Variants in P2RY8 observed in about 807,000 individuals in gnomAD.
The protein encoded by P2RY8 is S-geranylgeranyl-glutathione receptor P2RY8.
A neutral mutation model predicts 10.0 loss-of-function variants in P2RY8; 6 were observed. The ratio of observed to expected loss-of-function variants is 0.60; its 90% confidence interval spans 0.33 to 1.19. The LOEUF is 1.19. Among genes scored for constraint, P2RY8 ranks in the 50% most tolerant of loss-of-function variants. P2RY8 has a pLI of 0.04. For missense variants in P2RY8, 456 were observed against 542.0 expected (o/e 0.84, Z 1.58); for synonymous variants, 276 against 252.5 (o/e 1.09, Z -0.88).
At chrX:1,530,974 T>C (rs1299651387) in intron 1 of P2RY8, among the ~76,000 whole-genome samples, 2 of 152,072 alleles carry the variant, frequency 1.3e-5, no homozygotes, top group African/African-American at 2.4e-5. Context: ...CATGTATGTA[T>C]GTATGTATGT....
chrX:1,477,655 G>A (rs747368026), intron 1 of P2RY8, among the ~76,000 whole-genome samples: 1 of 152,052 alleles, frequency 6.6e-6, no homozygotes, highest in African/African-American at 2.4e-5. Flanking sequence ...GCATCTGGTG[G>A]GTAGATCCCA....
Position 1,466,565 on chromosome X carries a change from G to C in P2RY8, c.-7C>G. The C allele has an allele frequency of 6.2e-7, 1 of 1,601,468 alleles. No individual in the cohort carries two copies. The highest frequency in any genetic ancestry group is 8.5e-7 in the Non-Finnish European group (1 of 1,176,852). ...TGCTGTTCGGGACCTGCATCCTGGAGGGGTCCTCGCCCGGGCTCTGCAAGG... is the reference window on the plus strand; with the variant it reads ...TGCTGTTCGGGACCTGCATCCTGGACGGGTCCTCGCCCGGGCTCTGCAAGG... On this transcript the variant is annotated 5_prime_UTR_variant, in exon 2 of 2. Transcript: ENST00000381297.
At chrX:1,506,181 C>T (rs1470243359) in intron 1 of P2RY8, among the ~76,000 whole-genome samples, 2 of 151,710 alleles carry the variant, frequency 1.3e-5, no homozygotes, top group Non-Finnish European at 2.9e-5. Flanking sequence ...TTAGTAGAGA[C>T]GGGGTTTTGC....
At chrX:1,510,741 C>T (rs1454128455) in intron 1 of P2RY8, among the ~76,000 whole-genome samples, 3 of 152,018 alleles carry the variant, frequency 2.0e-5, no homozygotes, top group South Asian at 2.1e-4. Context: ...AAGCCAGGCA[C>T]GGTGGCGTGC....
chrX:1,494,685 A>T (rs2092099831), intron 1 of P2RY8, among the ~76,000 whole-genome samples: 1 of 152,096 alleles, frequency 6.6e-6, no homozygotes, highest in Non-Finnish European at 1.5e-5. Context: ...ACTAATTTTT[A>T]AAAATATGTA....
intron 1 of P2RY8, among the ~76,000 whole-genome samples, chrX:1,493,379 A>G (rs1262626642): frequency 2.6e-5 from 1 of 38,228 alleles, no homozygotes; most frequent in Non-Finnish European, 5.1e-5. Context: ...GGGAGGAAGG[A>G]GGAAGGAGGG....
In P2RY8 at chrX:1,462,848, T is replaced by A. The variant is rs2091602978; in HGVS notation, c.*2631A>T. 1 of 232,944 alleles carries A rather than the reference T, an allele frequency of 4.3e-6. No individual in the cohort carries two copies. Among genetic ancestry groups the A allele is most frequent in the South Asian group, 1.8e-4 (1 of 5,526 alleles). The allele number at this position is 232,944 out of a possible 1,614,324, so 14.4% of individuals were successfully genotyped here. A position where few individuals can be genotyped will look rare whatever the true frequency, so the allele number is the denominator to read the frequency against. On this transcript the variant is annotated 3_prime_UTR_variant, in exon 2 of 2. Transcript: ENST00000381297. Reference sequence around the variant, plus strand: ...AAACATGTGTGTGAGTCAATAGACCTGTGTTATCTTTTCACTCAAAGCTCA... The same window carrying A: ...AAACATGTGTGTGAGTCAATAGACCAGTGTTATCTTTTCACTCAAAGCTCA...
At chrX:1,536,141 C>A (rs2092524535) in intron 1 of P2RY8, among the ~76,000 whole-genome samples, 2 of 152,138 alleles carry the variant, frequency 1.3e-5, no homozygotes, top group African/African-American at 4.8e-5. Context: ...TCGCCAAGGT[C>A]TCATTGCAAA....
chrX:1,528,983 T>C (rs2092457023), intron 1 of P2RY8, among the ~76,000 whole-genome samples: 1 of 152,238 alleles, frequency 6.6e-6, no homozygotes, highest in Non-Finnish European at 1.5e-5. Flanking sequence ...CTTTGTTGCA[T>C]GGGACAGTAT....
chrX:1,499,172 T>G (rs2092150609), intron 1 of P2RY8, among the ~76,000 whole-genome samples: 1 of 148,654 alleles, frequency 6.7e-6, no homozygotes, highest in African/African-American at 2.5e-5. Context: ...TCTTTTTTTT[T>G]TTTTTTTTTG....
chrX:1,535,030 C>A, intron 1 of P2RY8, among the ~76,000 whole-genome samples: 1 of 151,988 alleles, frequency 6.6e-6, no homozygotes, highest in East Asian at 1.9e-4. Flanking sequence ...ACGTCCCATG[C>A]ACGCCTCTCT....
At position 1,464,386 on chromosome X, in the gene P2RY8, C is replaced by T. The variant is rs1307448960; in HGVS notation, c.*1093G>A. The T allele has an allele frequency of 8.6e-6, 2 of 233,590 alleles. No individual in the cohort carries two copies. Among genetic ancestry groups the T allele is most frequent in the Non-Finnish European group, 8.4e-6 (1 of 118,418 alleles). 14.5% of individuals were successfully genotyped at this position (233,590 alleles called of 1,614,324 possible). Reference sequence around the variant, plus strand: ...GGGAGGGGGCTCAGCGGCTGACACCCCTGTAGGTTCCTGGGGTCCACACCT... The same window carrying T: ...GGGAGGGGGCTCAGCGGCTGACACCTCTGTAGGTTCCTGGGGTCCACACCT... On this transcript the variant is annotated 3_prime_UTR_variant, in exon 2 of 2. Coordinates refer to ENST00000381297, the MANE Select transcript of P2RY8 (RefSeq NM_178129.5).
Position 1,509,810 on chromosome X carries a change from T to TATC in P2RY8, c.-25+27108_-25+27110dup, listed in dbSNP as rs1569538169. Among the ~76,000 whole-genome samples the TATC allele has an allele frequency of 8.0e-3, 813 of 101,476 alleles. 49 individuals are homozygous for TATC. The highest frequency in any genetic ancestry group is 0.017 in the African/African-American group (496 of 29,226). 66.6% of individuals were successfully genotyped at this position (101,476 alleles called of 152,430 possible). A position where few individuals can be genotyped will look rare whatever the true frequency, so the allele number is the denominator to read the frequency against. On this transcript the variant is annotated intron_variant, in intron 1 of 1. Coordinates refer to ENST00000381297, the MANE Select transcript of P2RY8 (RefSeq NM_178129.5). The stretch of plus-strand genomic sequence containing the variant: ...TATGTATCCATCCTATCTATCTATC[T>TATC]ATCTATCTATCTATCTATCTATCTA...
At chrX:1,476,100 C>G (rs1422670901) in intron 1 of P2RY8, among the ~76,000 whole-genome samples, 1 of 152,148 alleles carries the variant, frequency 6.6e-6, no homozygotes, top group Non-Finnish European at 1.5e-5. Flanking sequence ...CAGACCCCTT[C>G]CAGCTCCAGG....
chrX:1,486,839 G>A (rs1260222836), intron 1 of P2RY8, among the ~76,000 whole-genome samples: 1 of 152,154 alleles, frequency 6.6e-6, no homozygotes, highest in Non-Finnish European at 1.5e-5. Context: ...CTCCCTGCCC[G>A]CGCTGAGTCC....
At chrX:1,468,752 C>T (rs192554854) in intron 1 of P2RY8, among the ~76,000 whole-genome samples, 16 of 5,882 alleles carry the variant, frequency 2.7e-3, no homozygotes, top group African/African-American at 0.025. Context: ...CTCCTCTCTC[C>T]CCTCTCCCCT....
chrX:1,493,058 C>T (rs2092069125), intron 1 of P2RY8, among the ~76,000 whole-genome samples: 3 of 151,158 alleles, frequency 2.0e-5, no homozygotes, highest in Non-Finnish European at 2.9e-5. Context: ...GAGGCCGAAG[C>T]GGGTGGATCA....
intron 1 of P2RY8, among the ~76,000 whole-genome samples, chrX:1,509,181 A>ATCTG (rs2092269921): frequency 6.6e-6 from 1 of 151,202 alleles, no homozygotes; most frequent in Non-Finnish European, 1.5e-5. Context: ...CTATCTATCT[A>ATCTG]TCTATCTATC....
chrX:1,536,118 C>T (rs2092524390), intron 1 of P2RY8, among the ~76,000 whole-genome samples: 1 of 152,122 alleles, frequency 6.6e-6, no homozygotes, highest in Admixed American at 6.5e-5. Context: ...TTATATCCCA[C>T]GGCTCAAGGT....
Sources: allele counts gnomAD v4.1 joint callset (sites outside exome capture counted in the v4.1 genomes callset), GRCh38; gene constraint gnomAD v4.1.1; transcripts MANE v1.5; gene names NCBI Gene and HGNC (gene_info 2026-07-23, HGNC 2026-07-21).